Variants in PPFIA2 observed in about 807,000 individuals in gnomAD.
PPFIA2 encodes the protein PPFI scaffold protein A2, also known as liprin-alpha-2.
A neutral mutation model predicts 175.5 loss-of-function variants in PPFIA2; 46 were observed. That is an observed-to-expected ratio of 0.26 (90% confidence interval 0.21 to 0.34). The LOEUF (loss-of-function observed/expected upper bound fraction) is 0.34. Among genes scored for constraint, PPFIA2 ranks in the 10% least tolerant of loss-of-function variants. PPFIA2 has a pLI of 1.00. For missense variants in PPFIA2, 1,179 were observed against 1,506.1 expected (o/e 0.78, Z 3.60); for synonymous variants, 568 against 511.4 (o/e 1.11, Z -1.49).
intron 7 of PPFIA2, among the ~76,000 whole-genome samples, chr12:81,417,755 A>G (rs1350724720): frequency 6.6e-6 from 1 of 151,778 alleles, no homozygotes; most frequent in East Asian, 1.9e-4. Context: ...TAATGTCAGT[A>G]TGAGAAGGAA....
intron 22 of PPFIA2, among the ~76,000 whole-genome samples, chr12:81,301,105 T>C (rs530152517): frequency 1.4e-4 from 22 of 152,116 alleles, no homozygotes; most frequent in African/African-American, 3.4e-4. Context: ...TGTGAAGGCA[T>C]TGTGGCAATG....
chr12:81,572,862 A>T (rs953095872), intron 4 of PPFIA2, among the ~76,000 whole-genome samples: 2 of 152,090 alleles, frequency 1.3e-5, no homozygotes, highest in South Asian at 2.1e-4. Flanking sequence ...ATACGCATAC[A>T]AAGACTAATG....
Position 81,276,952 on chromosome 12 carries a change from G to T in PPFIA2, c.3310+365C>A, listed in dbSNP as rs114667256. On this transcript the variant is annotated intron_variant, in intron 28 of 32. Transcript: ENST00000549396. ...AAATGATATAAACCAAAGATGAACT[G>T]CCATAAAAATGATATACCATGTTTC... 2.4e-3 allele frequency among the ~76,000 whole-genome samples: 368 copies of T among 152,188 alleles called. 2 individuals are homozygous for T. Among genetic ancestry groups the T allele is most frequent in the African/African-American group, 8.6e-3 (356 of 41,538 alleles).
intron 27 of PPFIA2, among the ~76,000 whole-genome samples, chr12:81,278,120 G>A (rs1017237338): frequency 2.0e-5 from 3 of 152,146 alleles, no homozygotes; most frequent in Admixed American, 6.5e-5. Context: ...TAGGAAGTAA[G>A]GAGGAATACA....
At chr12:81,348,799 C>A (rs971171377) in intron 17 of PPFIA2, among the ~76,000 whole-genome samples, 1 of 152,092 alleles carries the variant, frequency 6.6e-6, no homozygotes, top group East Asian at 1.9e-4. Context: ...TGTAAAAATC[C>A]TATTTGAATC....
At chr12:81,634,804 GT>G (rs1235455915) in intron 4 of PPFIA2, among the ~76,000 whole-genome samples, 1 of 151,770 alleles carries the variant, frequency 6.6e-6, no homozygotes, top group Non-Finnish European at 1.5e-5. Context: ...ACCCTTGCTT[GT>G]TTTTTTCTTC....
intron 16 of PPFIA2, among the ~76,000 whole-genome samples, chr12:81,356,356 TA>T (rs1380135938): frequency 6.6e-6 from 1 of 151,954 alleles, no homozygotes; most frequent in African/African-American, 2.4e-5. Flanking sequence ...ATAATAATAA[TA>T]AAAGTTTGAA....
intron 7 of PPFIA2, among the ~76,000 whole-genome samples, chr12:81,423,737 C>T (rs542576846): frequency 2.6e-5 from 4 of 151,984 alleles, no homozygotes; most frequent in Non-Finnish European, 5.9e-5. Flanking sequence ...TACTGAAGTC[C>T]TAGCCATAGC....
At position 81,385,629 on chromosome 12, in the gene PPFIA2, C is replaced by A. The variant is rs77910489; in HGVS notation, c.763-1385G>T. On this transcript the variant is annotated intron_variant, in intron 8 of 32. Coordinates refer to ENST00000549396, the MANE Select transcript of PPFIA2 (RefSeq NM_003625.5). The stretch of plus-strand genomic sequence containing the variant: ...GCACAGAAAGACAAATACTTCTTCA[C>A]CTCGCTTATCTGTAGAATCTAAAAA... 1.5e-3 allele frequency among the ~76,000 whole-genome samples: 227 copies of A among 152,136 alleles called. 4 individuals carry two copies. The East Asian group carries it at 0.028, about 19-fold the overall frequency.
chr12:81,509,523 C>T (rs548726367), intron 4 of PPFIA2, among the ~76,000 whole-genome samples: 1 of 151,970 alleles, frequency 6.6e-6, no homozygotes, highest in African/African-American at 2.4e-5. Context: ...CTTGAAATCT[C>T]TGTCTTCTTC....
At chr12:81,346,097 G>T (rs1248727041) in intron 18 of PPFIA2, among the ~76,000 whole-genome samples, 1 of 151,984 alleles carries the variant, frequency 6.6e-6, no homozygotes, top group Non-Finnish European at 1.5e-5. Flanking sequence ...TAAGTTTTAT[G>T]GCTTGGAAGC....
chr12:81,704,038 T>C (rs1161691833), intron 3 of PPFIA2, among the ~76,000 whole-genome samples: 1 of 152,208 alleles, frequency 6.6e-6, no homozygotes, highest in African/African-American at 2.4e-5. Flanking sequence ...TGTTTGTATT[T>C]CTGCTAACAC....
At chr12:81,381,635 G>T (rs1254544635) in intron 9 of PPFIA2, among the ~76,000 whole-genome samples, 2 of 152,108 alleles carry the variant, frequency 1.3e-5, no homozygotes, top group Non-Finnish European at 2.9e-5. Flanking sequence ...CAGAAGAGGG[G>T]TTAAACTGCC....
intron 4 of PPFIA2, among the ~76,000 whole-genome samples, chr12:81,642,653 T>C (rs547849102): frequency 6.1e-5 from 8 of 130,916 alleles, no homozygotes; most frequent in African/African-American, 2.2e-4. Flanking sequence ...CATACATGTA[T>C]GTATCTATTA....
intron 3 of PPFIA2, among the ~76,000 whole-genome samples, chr12:81,707,003 C>G (rs377625270): frequency 0.12 from 17,886 of 151,994 alleles, 1,236 homozygotes; most frequent in Non-Finnish European, 0.15. Context: ...TTCCTTACAC[C>G]TTATACAAAA....
At chr12:81,333,952 A>T (rs1287508813) in intron 21 of PPFIA2, among the ~76,000 whole-genome samples, 2 of 152,116 alleles carry the variant, frequency 1.3e-5, no homozygotes, top group African/African-American at 4.8e-5. Flanking sequence ...ATCCCACCTA[A>T]CTGTTCCAGC....
At chr12:81,291,325 C>G (rs533044984) in intron 24 of PPFIA2, among the ~76,000 whole-genome samples, 1 of 151,938 alleles carries the variant, frequency 6.6e-6, no homozygotes, top group East Asian at 1.9e-4. Flanking sequence ...GAAGCCTTAT[C>G]CAGCTTGTAG....
intron 5 of PPFIA2, among the ~76,000 whole-genome samples, chr12:81,452,037 T>C (rs2052682345): frequency 6.6e-6 from 1 of 152,032 alleles, no homozygotes; most frequent in African/African-American, 2.4e-5. Flanking sequence ...AATCCTATGT[T>C]TGAATTTTCT....
In PPFIA2 at chr12:81,306,923, T is replaced by A. The variant is rs2049381848; in HGVS notation, c.2643-7541A>T. 2.0e-5 allele frequency among the ~76,000 whole-genome samples: 3 copies of A among 152,156 alleles called. No individual in the cohort carries two copies. In the South Asian group the frequency reaches 6.2e-4, roughly 31 times the overall value. ...CAAATGTCTAAAAGATTATTTTTAA[T>A]CTTCATTACAAAGAGATTCCTGGTT... On this transcript the variant is annotated intron_variant, in intron 22 of 32. Coordinates refer to ENST00000549396, the MANE Select transcript of PPFIA2 (RefSeq NM_003625.5).
Sources: gnomAD v4.1 joint callset for allele counts (sites outside exome capture counted in the v4.1 genomes callset) on GRCh38, gnomAD v4.1.1 for gene constraint, MANE v1.5 for transcripts, NCBI Gene and HGNC (gene_info 2026-07-23, HGNC 2026-07-21) for gene names.